The following THSD7B variants were observed in gnomAD, a reference collection of about 807,000 sequenced individuals.
THSD7B encodes the protein thrombospondin type 1 domain containing 7B.
THSD7B carries 138 observed loss-of-function variants against 213.6 expected under a neutral mutation model. That is an observed-to-expected ratio of 0.65 (90% CI 0.56 to 0.74). THSD7B has a LOEUF of 0.74. Ranked by LOEUF, THSD7B falls within the 30% of genes least tolerant of loss-of-function variation. THSD7B has a pLI of 0.00. For synonymous variants in THSD7B, 742 were observed against 687.0 expected (o/e 1.08, Z -1.25); for missense variants, 1,931 against 1,991.5 (o/e 0.97, Z 0.58).
chr2:137,427,719 T>G (rs4954510), intron 14 of THSD7B, among the ~76,000 whole-genome samples: 87,691 of 151,950 alleles, frequency 0.58, 27,961 homozygotes, highest in East Asian at 0.77. Context: ...CGTACAAACT[T>G]GCAGTAATGA....
intron 2 of THSD7B, among the ~76,000 whole-genome samples, chr2:136,899,530 T>C (rs1684028520): frequency 6.6e-6 from 1 of 152,232 alleles, no homozygotes; most frequent in Non-Finnish European, 1.5e-5. Context: ...AGCACAGCTA[T>C]ATTTAGGTCC....
chr2:136,944,705 AC>A (rs1391634106), intron 2 of THSD7B, among the ~76,000 whole-genome samples: 1 of 126,134 alleles, frequency 7.9e-6, no homozygotes, highest in Non-Finnish European at 1.6e-5. Context: ...TAGGATTGCA[AC>A]CCCTGCTTTT....
intron 7 of THSD7B, among the ~76,000 whole-genome samples, chr2:137,219,790 A>G (rs1393598178): frequency 2.2e-5 from 3 of 137,834 alleles, no homozygotes; most frequent in Admixed American, 7.3e-5. Flanking sequence ...TGTTTGCACA[A>G]TGTTATAAAC....
chr2:137,090,406 G>A (rs1011911301), intron 3 of THSD7B, among the ~76,000 whole-genome samples: 1 of 152,018 alleles, frequency 6.6e-6, no homozygotes, highest in Non-Finnish European at 1.5e-5. Context: ...CTATATGTGC[G>A]ATGTATGATA....
At chr2:137,573,783 A>C (rs1052996879) in intron 17 of THSD7B, among the ~76,000 whole-genome samples, 3 of 152,162 alleles carry the variant, frequency 2.0e-5, no homozygotes, top group Admixed American at 2.0e-4. Context: ...GTTTGCACAA[A>C]GTTTTGTACT....
intron 6 of THSD7B, among the ~76,000 whole-genome samples, chr2:137,164,796 C>T (rs545594112): frequency 2.5e-4 from 38 of 152,202 alleles, no homozygotes; most frequent in Non-Finnish European, 2.8e-4. Context: ...AACCAAACAC[C>T]GCATATTCTC....
intron 3 of THSD7B, among the ~76,000 whole-genome samples, chr2:137,081,418 C>G (rs1360336811): frequency 1.3e-5 from 2 of 151,830 alleles, no homozygotes; most frequent in Non-Finnish European, 1.5e-5. Flanking sequence ...TGGTACTTTC[C>G]TTTAATGTTT....
At chr2:137,505,252 A>C (rs1435656426) in intron 15 of THSD7B, among the ~76,000 whole-genome samples, 1 of 152,212 alleles carries the variant, frequency 6.6e-6, no homozygotes, top group Admixed American at 6.5e-5. Flanking sequence ...TAATAAGAGA[A>C]GATGATATGC....
intron 2 of THSD7B, among the ~76,000 whole-genome samples, chr2:137,003,348 G>C (rs1454669606): frequency 6.6e-6 from 1 of 152,162 alleles, no homozygotes; most frequent in African/African-American, 2.4e-5. Context: ...GTGATTAACT[G>C]CTCAGAGGGA....
chr2:136,781,402 C>T (rs2251310), intron 1 of THSD7B, among the ~76,000 whole-genome samples: 18,599 of 151,064 alleles, frequency 0.12, 1,306 homozygotes, highest in South Asian at 0.2. Flanking sequence ...GTAGCTGGGA[C>T]CACAGGTGCA....
intron 15 of THSD7B, among the ~76,000 whole-genome samples, chr2:137,518,482 G>A (rs1288851870): frequency 6.6e-6 from 1 of 152,220 alleles, no homozygotes; most frequent in African/African-American, 2.4e-5. Context: ...GGATGTGGAA[G>A]AAGCACGATT....
Position 137,616,296 on chromosome 2 carries a change from A to T in THSD7B, c.3545A>T (p.Gln1182Leu). The T allele has an allele frequency of 1.2e-6, 2 of 1,613,746 alleles. No homozygotes were observed. Among genetic ancestry groups the T allele is most frequent in the Non-Finnish European group, 1.7e-6 (2 of 1,179,716 alleles). ...TGCCTCCTGAATGAAAATTGCTTCC[A>T]GTTCCAGTACAATCTAACAGGTACA... ...QPCLLNENCFQFQYNLTEWST... is the reference protein window; with the variant it reads ...QPCLLNENCFLFQYNLTEWST... The change falls in exon 18 of 28, where the codon CAG (glutamine) becomes CTG (leucine). Residue 1182 changes from glutamine to leucine, a missense_variant. Transcript: ENST00000409968.
chr2:137,618,427 T>C lies in THSD7B; in HGVS notation c.3601T>C (p.Cys1201Arg). Reference protein sequence around the residue: ...STCQLSENAPCGQGVRTRLLS... With the variant: ...STCQLSENAPRGQGVRTRLLS... ...ATGCCAGCTGAGTGAAAACGCACCC[T>C]GTGGTCAAGGCGTCAGGACCCGCCT... is the stretch of plus-strand genomic sequence containing the variant. Residue 1201 changes from cysteine (C) to arginine (R), a missense_variant, in exon 19 of 28, where the codon TGT (cysteine) becomes CGT (arginine). Physicochemically the swap from Cys to Arg is radical, Grantham distance 180. Coordinates refer to ENST00000409968, the MANE Select transcript of THSD7B (RefSeq NM_001316349.2). The C allele has an allele frequency of 6.2e-7, 1 of 1,613,864 alleles. No individual in the cohort carries two copies.
Position 137,411,803 on chromosome 2 carries a change from C to T in THSD7B, c.2890C>T (p.Arg964Cys), listed in dbSNP as rs760738802. Reference protein sequence around the residue: ...ADSKECGEGLRFRAVACSDKN... With the variant: ...ADSKECGEGLCFRAVACSDKN... Reference sequence around the variant, plus strand: ...CAGCAAAGAATGTGGAGAAGGCCTGCGCTTTCGAGCAGTAGCCTGTTCTGA... The same window carrying T: ...CAGCAAAGAATGTGGAGAAGGCCTGTGCTTTCGAGCAGTAGCCTGTTCTGA... Residue 964 changes from arginine (R) to cysteine (C), a missense_variant, in exon 14 of 28, where the codon CGC becomes TGC. Transcript: ENST00000409968. The T allele has an allele frequency of 6.2e-6, 10 of 1,613,856 alleles. No homozygotes were observed. Among genetic ancestry groups the T allele is most frequent in the Non-Finnish European group, 7.6e-6 (9 of 1,179,898 alleles).
At chr2:136,774,983 C>T (rs1013079544) in intron 1 of THSD7B, among the ~76,000 whole-genome samples, 5 of 152,082 alleles carry the variant, frequency 3.3e-5, no homozygotes, top group Non-Finnish European at 7.4e-5. Flanking sequence ...CCTGCTGTGT[C>T]CGTGACATAG....
intron 15 of THSD7B, among the ~76,000 whole-genome samples, chr2:137,498,369 C>G (rs1679621834): frequency 6.7e-6 from 1 of 150,240 alleles, no homozygotes; most frequent in Non-Finnish European, 1.5e-5. Context: ...AGTATATTAT[C>G]ATGATTTAGA....
At chr2:137,452,993 G>A (rs1687682560) in intron 15 of THSD7B, among the ~76,000 whole-genome samples, 1 of 152,126 alleles carries the variant, frequency 6.6e-6, no homozygotes, top group African/African-American at 2.4e-5. Flanking sequence ...AGTTCCAGAA[G>A]GGAGTAGCAG....
intron 15 of THSD7B, among the ~76,000 whole-genome samples, chr2:137,474,465 C>T (rs1688155866): frequency 1.3e-5 from 2 of 152,176 alleles, no homozygotes; most frequent in African/African-American, 4.8e-5. Context: ...ACATAGTCAA[C>T]TGAACTTGAC....
intron 15 of THSD7B, among the ~76,000 whole-genome samples, chr2:137,481,156 T>C (rs905948590): frequency 6.6e-6 from 1 of 152,016 alleles, no homozygotes; most frequent in Non-Finnish European, 1.5e-5. Context: ...TCCAGAAAAG[T>C]GAGAAATAAG....
Sources: gnomAD v4.1 joint callset for allele counts (sites outside exome capture counted in the v4.1 genomes callset) on GRCh38, gnomAD v4.1.1 for gene constraint, MANE v1.5 for transcripts, NCBI Gene and HGNC (gene_info 2026-07-23, HGNC 2026-07-21) for gene names.